Variants in SEMA5A observed in about 807,000 individuals in gnomAD.
The protein encoded by SEMA5A is semaphorin 5A.
Under a neutral mutation model 135.5 loss-of-function variants are expected in SEMA5A, and 55 were observed. The ratio of observed to expected loss-of-function variants is 0.41; its 90% CI spans 0.33 to 0.51. The LOEUF is 0.51. Ranked by LOEUF, SEMA5A falls within the 20% of genes least tolerant of loss-of-function variation. The pLI is 0.37. For synonymous variants in SEMA5A, 580 were observed against 546.5 expected, an observed-to-expected ratio of 1.06 and a Z score of -0.85; for missense variants, 1,290 against 1,419.9, an observed-to-expected ratio of 0.91 and a Z score of 1.47.
At chr5:9,221,348 G>C (rs967212243) in intron 8 of SEMA5A, among the ~76,000 whole-genome samples, 5 of 145,218 alleles carry the variant, frequency 3.4e-5, no homozygotes, top group South Asian at 2.2e-4. Context: ...TGTCACCCAG[G>C]CTGGAGTGCA....
chr5:9,216,493 T>C (rs925231484), intron 8 of SEMA5A, among the ~76,000 whole-genome samples: 2 of 152,196 alleles, frequency 1.3e-5, no homozygotes, highest in African/African-American at 4.8e-5. Context: ...TGTAAATGTA[T>C]ATCAGATTCA....
chr5:9,509,431 C>T (rs974407714), intron 1 of SEMA5A, among the ~76,000 whole-genome samples: 3 of 151,898 alleles, frequency 2.0e-5, no homozygotes, highest in East Asian at 1.9e-4. Context: ...CACACCACCA[C>T]GCCCGGCTAA....
At chr5:9,384,360 T>C (rs550020636) in intron 2 of SEMA5A, among the ~76,000 whole-genome samples, 4 of 152,160 alleles carry the variant, frequency 2.6e-5, no homozygotes, top group Admixed American at 2.0e-4. Context: ...CTCAGCACTA[T>C]TGATATTTTA....
intron 5 of SEMA5A, among the ~76,000 whole-genome samples, chr5:9,311,487 G>A (rs1013262802): frequency 6.7e-5 from 10 of 149,482 alleles, no homozygotes; most frequent in African/African-American, 1.5e-4. Context: ...GTAAACTATC[G>A]CAAGGACAAA....
chr5:9,342,550 T>G (rs142433484), intron 3 of SEMA5A, among the ~76,000 whole-genome samples: 2 of 152,138 alleles, frequency 1.3e-5, no homozygotes, highest in Non-Finnish European at 2.9e-5. Flanking sequence ...TGGGTAAAGA[T>G]TGTTGAAAAG....
In SEMA5A at chr5:9,480,125, G is replaced by A. The variant is rs747768423; in HGVS notation, c.-174-42273C>T. 5.9e-5 allele frequency among the ~76,000 whole-genome samples: 9 copies of A among 152,100 alleles called. No homozygotes were observed. In the East Asian group the frequency reaches 9.7e-4, roughly 16 times the overall value. On this transcript the variant is annotated intron_variant, in intron 1 of 22. Transcript: ENST00000382496. ...CAGCATCCTTGGCCTCTGCACATTC[G>A]ACACGAATAGCACACACACAAGGGC... is the stretch of plus-strand genomic sequence containing the variant.
chr5:9,088,394 T>A (rs1414688809), intron 16 of SEMA5A, among the ~76,000 whole-genome samples: 1 of 150,474 alleles, frequency 6.6e-6, no homozygotes, highest in Non-Finnish European at 1.5e-5. Context: ...TAAGGGTAAG[T>A]GTTATGTTGG....
intron 11 of SEMA5A, among the ~76,000 whole-genome samples, chr5:9,180,378 T>G (rs372130278): frequency 1.3e-5 from 2 of 152,130 alleles, no homozygotes; most frequent in East Asian, 3.8e-4. Context: ...AAAGAAGCAC[T>G]CAAATTATGT....
chr5:9,198,641 G>A (rs991871267), intron 9 of SEMA5A, among the ~76,000 whole-genome samples: 5 of 152,160 alleles, frequency 3.3e-5, no homozygotes, highest in Non-Finnish European at 7.4e-5. Context: ...TGCATACAGG[G>A]CCTGGCGCTG....
chr5:9,317,825 A>G (rs1752456393), intron 5 of SEMA5A, among the ~76,000 whole-genome samples: 1 of 152,210 alleles, frequency 6.6e-6, no homozygotes, highest in East Asian at 1.9e-4. Flanking sequence ...CAGATCTGCT[A>G]CTAAAATAAA....
chr5:9,435,444 GCATATAAAC>G (rs1757995888), intron 2 of SEMA5A, among the ~76,000 whole-genome samples: 2 of 152,142 alleles, frequency 1.3e-5, no homozygotes, highest in South Asian at 4.2e-4. Flanking sequence ...CACATTTGGG[GCATATAAAC>G]CATGTCAAGC....
intron 16 of SEMA5A, among the ~76,000 whole-genome samples, chr5:9,087,604 T>C (rs1460743033): frequency 2.0e-5 from 3 of 151,966 alleles, no homozygotes; most frequent in African/African-American, 7.2e-5. Context: ...TTCTTTAGTT[T>C]CTGGCTGTAA....
intron 5 of SEMA5A, among the ~76,000 whole-genome samples, chr5:9,278,162 G>A (rs1750361308): frequency 6.6e-6 from 1 of 151,552 alleles, no homozygotes; most frequent in South Asian, 2.1e-4. Context: ...AGCTGGTAAT[G>A]AGGAACATAC....
chr5:9,280,715 A>AT (rs1750498785), intron 5 of SEMA5A: 1 of 249,188 alleles, frequency 4.0e-6, no homozygotes, highest in South Asian at 4.1e-5. Flanking sequence ...ACCAACCAAA[A>AT]TTTTTACATG....
intron 8 of SEMA5A, among the ~76,000 whole-genome samples, chr5:9,207,516 T>G (rs986655383): frequency 6.6e-6 from 1 of 152,170 alleles, no homozygotes; most frequent in Non-Finnish European, 1.5e-5. Flanking sequence ...AGCAAGCTAT[T>G]TCACAAAAAT....
At position 9,084,176 on chromosome 5, in the gene SEMA5A, T is replaced by C. The variant is rs142391351; in HGVS notation, c.2074-17530A>G. 5.1e-3 allele frequency among the ~76,000 whole-genome samples: 776 copies of C among 152,346 alleles called. 7 individuals are homozygous for C. Among genetic ancestry groups the C allele is most frequent in the African/African-American group, 0.018 (735 of 41,568 alleles). On this transcript the variant is annotated intron_variant, in intron 16 of 22. Transcript: ENST00000382496. Reference sequence around the variant, plus strand: ...TGTTATTTTTTAATAAAGCTTAAAATTTTTGAGCCCTGGTTTTGTAAATAC... The same window carrying C: ...TGTTATTTTTTAATAAAGCTTAAAACTTTTGAGCCCTGGTTTTGTAAATAC...
intron 8 of SEMA5A, among the ~76,000 whole-genome samples, chr5:9,206,853 C>T (rs1438292815): frequency 1.3e-5 from 2 of 150,246 alleles, no homozygotes; most frequent in African/African-American, 4.9e-5. Flanking sequence ...TCTGTTGTTG[C>T]ATCTGACAAT....
At chr5:9,255,810 C>T (rs1295945312) in intron 5 of SEMA5A, among the ~76,000 whole-genome samples, 1 of 152,176 alleles carries the variant, frequency 6.6e-6, no homozygotes, top group Non-Finnish European at 1.5e-5. Context: ...AATTCTTCCA[C>T]CTCTCTCCTG....
intron 18 of SEMA5A, among the ~76,000 whole-genome samples, chr5:9,059,068 C>A (rs1202262643): frequency 6.6e-6 from 1 of 152,166 alleles, no homozygotes; most frequent in Non-Finnish European, 1.5e-5. Context: ...TTCCTTCCCC[C>A]ATAGAATTAT....
Sources: gnomAD v4.1 joint callset for allele counts (sites outside exome capture counted in the v4.1 genomes callset) on GRCh38, gnomAD v4.1.1 for gene constraint, MANE v1.5 for transcripts, NCBI Gene and HGNC (gene_info 2026-07-23, HGNC 2026-07-21) for gene names.